The following ACAP1 variants were observed in gnomAD, a reference collection of about 807,000 sequenced individuals.
The protein encoded by ACAP1 is ArfGAP with coiled-coil, ankyrin repeat and PH domains 1, also known as arf-GAP with coiled-coil, ANK repeat and PH domain-containing protein 1.
ACAP1 carries 45 observed loss-of-function variants against 98.8 expected under a neutral mutation model. The ratio of observed to expected loss-of-function variants is 0.46; its 90% CI spans 0.36 to 0.58. ACAP1 has a LOEUF of 0.58. Ranked by LOEUF, ACAP1 falls within the 20% of genes least tolerant of loss-of-function variation. The probability of loss-of-function intolerance (pLI) is 0.00; values close to 1 mark genes in which losing one functional copy is unlikely to be tolerated. For missense variants in ACAP1, 735 were observed against 971.4 expected (o/e 0.76, Z 3.24); for synonymous variants, 362 against 375.3 (o/e 0.96, Z 0.41).
At position 7,349,988 on chromosome 17, in the gene ACAP1, A is replaced by C. The variant is rs765971139; in HGVS notation, c.1895A>C (p.Asn632Thr). ...GAGTTTCTCCTCCAGAACGGGGCGA[A>C]CGTGAACCAAGCGGACAGTGCGGGC... The part of the protein sequence containing the change: ...ACEFLLQNGA[N>T]VNQADSAGRG... Residue 632 changes from asparagine to threonine, a missense_variant, in exon 19 of 22, where the codon AAC (asparagine) becomes ACC (threonine). Transcript: ENST00000158762. The C allele has an allele frequency of 2.4e-5, 39 of 1,613,322 alleles. No homozygotes were observed. Among genetic ancestry groups the C allele is most frequent in the Non-Finnish European group, 3.2e-5 (38 of 1,179,500 alleles).
intron 2 of ACAP1, among the ~76,000 whole-genome samples, chr17:7,337,840 C>T (rs905508174): frequency 3.3e-5 from 5 of 151,490 alleles, no homozygotes; most frequent in Non-Finnish European, 5.9e-5. Flanking sequence ...GGCGACAGAG[C>T]GAGACTCTGT....
rs1377928714 is a variant in ACAP1, at chr17:7,350,022, G to A, written c.1929G>A (p.Pro643=). 6 of 1,613,444 alleles carry A rather than the reference G, an allele frequency of 3.7e-6. No homozygotes were observed. In the African/African-American group the frequency reaches 5.3e-5, roughly 14 times the overall value. Residue 643 remains proline, a synonymous_variant, in exon 19 of 22, where the codon CCG becomes CCA. Coordinates refer to ENST00000158762, the MANE Select transcript of ACAP1 (RefSeq NM_014716.4). This position sits in a 1 kb window ranked among gnomAD's most constrained non-coding sequence, Gnocchi z 4.6. ...VNQADSAGRG[P]LHHATILGHT... ...AAGCGGACAGTGCGGGCCGGGGCCC[G>A]CTGCACCACGCAACCATTCTTGGCC...
chr17:7,343,540 G>C lies in ACAP1; in HGVS notation c.506G>C (p.Arg169Pro). The C allele has an allele frequency of 1.9e-6, 3 of 1,613,600 alleles. No individual in the cohort carries two copies. Among genetic ancestry groups the C allele is most frequent in the Non-Finnish European group, 1.7e-6 (2 of 1,179,704 alleles). Residue 169 changes from arginine to proline, a missense_variant, in exon 6 of 22, where the codon CGG becomes CCG. Coordinates refer to ENST00000158762, the MANE Select transcript of ACAP1 (RefSeq NM_014716.4). The surrounding 1 kb of genome is among the most constrained non-coding windows in gnomAD (Gnocchi z 4.9). ...ACGGCTCGAGCTGGGTACCGGGGAC[G>C]GGCACTGGATTATGCCCTGCAGGTG... ...LRTARAGYRG[R>P]ALDYALQINV...
rs1191226490 is a variant in ACAP1 at position 7,349,089 on chromosome 17, C to T, written c.1773C>T (p.Ala591=). Reference sequence around the variant, plus strand: ...CATCTCTTCCCACCATGGCTGATGCCCTTGCCCATGGAGCTGATGTCAACT... The same window carrying T: ...CATCTCTTCCCACCATGGCTGATGCTCTTGCCCATGGAGCTGATGTCAACT... The part of the protein sequence containing the change: ...HPPSLPTMAD[A]LAHGADVNWV... The change falls in exon 18 of 22, where the codon GCC becomes GCT. Residue 591 remains alanine (A), a synonymous_variant. Transcript: ENST00000158762. 1.2e-6 allele frequency: 2 copies of T among 1,614,022 alleles called. No homozygotes were observed. Among genetic ancestry groups the T allele is most frequent in the African/African-American group, 1.3e-5 (1 of 74,980 alleles).
At chr17:7,349,282 T>C (rs188210248) in intron 18 of ACAP1, 115 bp downstream of exon 18, 113 of 1,136,910 alleles carry the variant, frequency 9.9e-5, no homozygotes, top group Admixed American at 4.7e-4. Context: ...CTTCCACCCA[T>C]AGGGAGAGAT....
Position 7,351,449 on chromosome 17 carries a change from G to A in ACAP1, c.*54G>A. The A allele has an allele frequency of 7.7e-7, 1 of 1,306,544 alleles. No homozygotes were observed. Among genetic ancestry groups the A allele is most frequent in the South Asian group, 1.2e-5 (1 of 80,138 alleles). The allele number at this position is 1,306,544 out of a possible 1,614,324, so 80.9% of individuals were successfully genotyped here. ...TCCCTTCCCCGCCACCGGGCCCTCT[G>A]CCATTAAAGCCTCCGTGCTTCGCTC... On this transcript the variant is annotated 3_prime_UTR_variant, in exon 22 of 22. Transcript: ENST00000158762.
intron 21 of ACAP1, 41 bp from the exon 22 acceptor site, chr17:7,351,254 C>G: frequency 6.5e-7 from 1 of 1,542,850 alleles, no homozygotes; most frequent in African/African-American, 1.4e-5. Flanking sequence ...CCCTTCTGCA[C>G]TGGGGCCCAG....
At position 7,350,099 on chromosome 17, in the gene ACAP1, G is replaced by A; in HGVS notation, c.1962-28G>A. The A allele has an allele frequency of 6.2e-7, 1 of 1,613,266 alleles. No individual in the cohort carries two copies. The highest frequency in any genetic ancestry group is 1.1e-5 in the South Asian group (1 of 91,064). ...GAGGAAGGCTGGGAGAAGTTGGGCGGCCGGCTGACCCTGGCTCTTCTCTCC... is the reference window on the plus strand; with the variant it reads ...GAGGAAGGCTGGGAGAAGTTGGGCGACCGGCTGACCCTGGCTCTTCTCTCC... On this transcript the variant is annotated intron_variant, in intron 19 of 21. Coordinates refer to ENST00000158762, the MANE Select transcript of ACAP1 (RefSeq NM_014716.4). This position sits in a 1 kb window ranked among gnomAD's most constrained non-coding sequence, Gnocchi z 4.6.
chr17:7,346,547 A>C, intron 12 of ACAP1, 56 bp downstream of exon 12: 1 of 1,469,200 alleles, frequency 6.8e-7, no homozygotes, highest in Non-Finnish European at 9.2e-7. Flanking sequence ...TGCCAATCTG[A>C]AAGGCAGGGC....
rs2073331981 is a variant in ACAP1, at chr17:7,344,885, G to C, written c.854+237G>C. Among the ~76,000 whole-genome samples, 1 of 152,268 alleles carries C rather than the reference G, an allele frequency of 6.6e-6. No homozygotes were observed. Among genetic ancestry groups the C allele is most frequent in the African/African-American group, 2.4e-5 (1 of 41,524 alleles). ...GCAAGGGATGTGGGGAGCTGGGTAGGGGTTACAGTTCTAAATAGTTGGGCA... is the reference window on the plus strand; with the variant it reads ...GCAAGGGATGTGGGGAGCTGGGTAGCGGTTACAGTTCTAAATAGTTGGGCA... On this transcript the variant is annotated intron_variant, in intron 10 of 21. Coordinates refer to ENST00000158762, the MANE Select transcript of ACAP1 (RefSeq NM_014716.4). This position sits in a 1 kb window ranked among gnomAD's most constrained non-coding sequence, Gnocchi z 4.9.
chr17:7,347,118 G>T lies in ACAP1; in HGVS notation c.1219G>T (p.Val407Leu). ...AAGGGAGCCTGGGGGAGTCGGGCACGTGGTGGCCCAGGTCCAGAGTGTGGA... is the reference window on the plus strand; with the variant it reads ...AAGGGAGCCTGGGGGAGTCGGGCACTTGGTGGCCCAGGTCCAGAGTGTGGA... ...RGREPGGVGH[V>L]VAQVQSVDGN... Residue 407 changes from valine to leucine, a missense_variant, in exon 14 of 22, where the codon GTG becomes TTG. Val to Leu is a conservative substitution (Grantham distance 32). Coordinates refer to ENST00000158762, the MANE Select transcript of ACAP1 (RefSeq NM_014716.4). The T allele has an allele frequency of 6.2e-7, 1 of 1,613,968 alleles. No homozygotes were observed. The highest frequency in any genetic ancestry group is 2.2e-5 in the East Asian group (1 of 44,892).
chr17:7,350,372 C>T lies in ACAP1; in HGVS notation c.2072+135C>T. Reference sequence around the variant, plus strand: ...GGGCCTCGGAAAGGGGCTGGGCCAGCGCCGGGGCCAGGCTCGAGAAAGGCT... The same window carrying T: ...GGGCCTCGGAAAGGGGCTGGGCCAGTGCCGGGGCCAGGCTCGAGAAAGGCT... On this transcript the variant is annotated intron_variant, in intron 20 of 21. Transcript: ENST00000158762. The surrounding 1 kb of genome is among the most constrained non-coding windows in gnomAD (Gnocchi z 4.6). 1.3e-5 allele frequency: 9 copies of T among 709,518 alleles called. No individual in the cohort carries two copies. Among genetic ancestry groups the T allele is most frequent in the Non-Finnish European group, 1.4e-5 (6 of 437,082 alleles). The allele number at this position is 709,518 out of a possible 1,614,324, so 44.0% of individuals were successfully genotyped here.
intron 10 of ACAP1, 45 bp from the exon 11 acceptor site, chr17:7,346,199 C>T (rs752300215): frequency 3.8e-6 from 6 of 1,591,628 alleles, no homozygotes; most frequent in African/African-American, 1.3e-5. Context: ...TTCCGTCCCT[C>T]ATCCTAAAGC....
chr17:7,348,000 G>C lies in ACAP1; in HGVS notation c.1413+9G>C, dbSNP rs11650405. 6.2e-7 allele frequency: 1 copy of C among 1,614,194 alleles called. No individual in the cohort carries two copies. The highest frequency in any genetic ancestry group is 1.7e-5 in the Admixed American group (1 of 60,032). ...AGCCAGAACTAGTGAAGGTAACTTA[G>C]CGTATTGTGAAGATTGGGGGCAAGA... On this transcript the variant is annotated intron_variant, in intron 15 of 21. Transcript: ENST00000158762.
chr17:7,348,568 C>G, intron 17 of ACAP1, 93 bp downstream of exon 17: 1 of 1,342,334 alleles, frequency 7.4e-7, no homozygotes, highest in Non-Finnish European at 9.9e-7. Context: ...AAGCCCAGGC[C>G]TTCCGCTGGA....
chr17:7,341,909 A>G (rs2073284271), intron 2 of ACAP1, 39 bp from the exon 3 acceptor site: 2 of 1,611,930 alleles, frequency 1.2e-6, no homozygotes, highest in East Asian at 4.5e-5. Flanking sequence ...AGGTGTGAGG[A>G]TGATGGCACA....
chr17:7,346,386 G>T lies in ACAP1; in HGVS notation c.907-5G>T, dbSNP rs774531769. 6 of 1,613,998 alleles carry T rather than the reference G, an allele frequency of 3.7e-6. No homozygotes were observed. Among genetic ancestry groups the T allele is most frequent in the African/African-American group, 1.3e-5 (1 of 75,022 alleles). Reference sequence around the variant, plus strand: ...ATCTGGCCCCTTATCACCTTATCCTGCCAGGACCCTGTGACTGTGGTGGTG... The same window carrying T: ...ATCTGGCCCCTTATCACCTTATCCTTCCAGGACCCTGTGACTGTGGTGGTG... On this transcript the variant is annotated splice_region_variant and splice_polypyrimidine_tract_variant and intron_variant, in intron 11 of 21. Coordinates refer to ENST00000158762, the MANE Select transcript of ACAP1 (RefSeq NM_014716.4).
Position 7,350,339 on chromosome 17 carries a change from G to T in ACAP1, c.2072+102G>T. On this transcript the variant is annotated intron_variant, in intron 20 of 21. Coordinates refer to ENST00000158762, the MANE Select transcript of ACAP1 (RefSeq NM_014716.4). This position sits in a 1 kb window ranked among gnomAD's most constrained non-coding sequence, Gnocchi z 4.6. ...GGGGCTGACGCCGAAACAGAAGCCTGTGCTGTGGGGCCTCGGAAAGGGGCT... is the reference window on the plus strand; with the variant it reads ...GGGGCTGACGCCGAAACAGAAGCCTTTGCTGTGGGGCCTCGGAAAGGGGCT... 3.1e-6 allele frequency: 3 copies of T among 978,404 alleles called. No homozygotes were observed. The highest frequency in any genetic ancestry group is 4.5e-6 in the Non-Finnish European group (3 of 664,358). The allele number at this position is 978,404 out of a possible 1,614,324, so 60.6% of individuals were successfully genotyped here. A position where few individuals can be genotyped will look rare whatever the true frequency, so the allele number is the denominator to read the frequency against.
At chr17:7,342,747 G>GAAA in intron 5 of ACAP1, 1 of 399,250 alleles carries the variant, frequency 2.5e-6, no homozygotes. Context: ...TAAAAAATAC[G>GAAA]AAAAAAAAAA....
Sources: gnomAD v4.1 joint callset for allele counts (sites outside exome capture counted in the v4.1 genomes callset) on GRCh38, gnomAD v4.1.1 for gene constraint, Gnocchi (gnomAD v3.1) non-coding constraint, MANE v1.5 for transcripts, NCBI Gene and HGNC (gene_info 2026-07-23, HGNC 2026-07-21) for gene names.